Variants in BCOR observed in about 807,000 individuals in gnomAD.
BCOR encodes BCL-6 corepressor.
A neutral mutation model predicts 86.7 loss-of-function variants in BCOR; 10 were observed. The observed-to-expected ratio is 0.12, with a 90% CI of 0.07 to 0.20. The LOEUF (loss-of-function observed/expected upper bound fraction) is 0.20, where lower values mean the gene tolerates loss of function less well. BCOR is among the 10% of genes least tolerant of loss of function. The probability of loss-of-function intolerance (pLI) is 1.00; values close to 1 mark genes in which losing one functional copy is unlikely to be tolerated. For synonymous variants in BCOR, 611 were observed against 609.0 expected (o/e 1.00, Z -0.05); for missense variants, 1,259 against 1,452.1 (o/e 0.87, Z 2.16).
At position 40,074,290 on chromosome X, in the gene BCOR, G is replaced by A. The variant is rs762067562; in HGVS notation, c.1056C>T (p.Asp352=). ...AGTGCTTGTGGAACTCCGAGTAGGT[G>A]TCTGCAGCAGGCTGGGTGGGAAGGT... ...RVHLPTQPAA[D]TYSEFHKHYA... The change falls in exon 4 of 15, where the codon GAC becomes GAT. Residue 352 remains aspartate (D), a synonymous_variant. Coordinates refer to ENST00000378444, the MANE Select transcript of BCOR (RefSeq NM_001123385.2). 8.2e-7 allele frequency: 1 copy of A among 1,212,288 alleles called. No individual in the cohort carries two copies. Among genetic ancestry groups the A allele is most frequent in the Non-Finnish European group, 1.1e-6 (1 of 895,673 alleles).
chrX:40,113,239 C>G (rs531741216), intron 1 of BCOR, among the ~76,000 whole-genome samples: 1 of 105,731 alleles, frequency 9.5e-6, no homozygotes, highest in African/African-American at 3.5e-5. Context: ...AAGACCTCAT[C>G]TCCACTTAAA....
intron 1 of BCOR, among the ~76,000 whole-genome samples, chrX:40,155,424 A>G (rs1357058290): frequency 9.1e-6 from 1 of 110,492 alleles, no homozygotes; most frequent in East Asian, 2.9e-4. Context: ...CCGCGGAGTG[A>G]CCCAGGGCCT....
intron 1 of BCOR, among the ~76,000 whole-genome samples, chrX:40,135,159 A>G (rs898457898): frequency 9.0e-6 from 1 of 111,596 alleles, no homozygotes; most frequent in African/African-American, 3.3e-5. Context: ...ATACCTTCAT[A>G]CAACAGATGA....
chrX:40,071,023 T>C lies in BCOR; in HGVS notation c.3188A>G (p.Lys1063Arg), dbSNP rs1935450339. 2.5e-6 allele frequency: 3 copies of C among 1,211,674 alleles called. No individual in the cohort carries two copies. The East Asian group carries it at 8.9e-5, about 36-fold the overall frequency. Residue 1063 changes from lysine to arginine, a missense_variant, in exon 6 of 15, where the codon AAG becomes AGG. Transcript: ENST00000378444. ...AATGGCCTCCTCCAGGGTGACCGAC[T>C]TTGGCTTTTTGTCCTGATTTCCTTT... ...RLKGNQDKKP[K>R]SVTLEEAIAE...
At chrX:40,139,479 AT>A (rs1460452715) in intron 1 of BCOR, among the ~76,000 whole-genome samples, 4 of 11,876 alleles carry the variant, frequency 3.4e-4, no homozygotes, top group Non-Finnish European at 4.9e-4. Flanking sequence ...ATATATATAT[AT>A]ATATATATAT....
Sources: allele counts gnomAD v4.1 joint callset (sites outside exome capture counted in the v4.1 genomes callset), GRCh38; gene constraint gnomAD v4.1.1; transcripts MANE v1.5; gene names NCBI Gene and HGNC (gene_info 2026-07-23, HGNC 2026-07-21).